Variants in HS3ST5 observed in about 807,000 individuals in gnomAD.
HS3ST5 encodes the protein heparan sulfate-glucosamine 3-sulfotransferase 5.
HS3ST5 carries 10 observed loss-of-function variants against 25.4 expected under a neutral mutation model. That is an observed-to-expected ratio of 0.39 (90% confidence interval 0.24 to 0.67). HS3ST5 has a LOEUF of 0.67. Among genes scored for constraint, HS3ST5 ranks in the 30% least tolerant of loss-of-function variants. The probability of loss-of-function intolerance (pLI) is 0.44; values close to 1 mark genes in which losing one functional copy is unlikely to be tolerated. For synonymous variants in HS3ST5, 170 were observed against 162.4 expected (o/e 1.05, Z -0.36); for missense variants, 324 against 420.7 (o/e 0.77, Z 2.01).
At chr6:114,195,048 A>G (rs1487813510) in intron 2 of HS3ST5, among the ~76,000 whole-genome samples, 1 of 152,216 alleles carries the variant, frequency 6.6e-6, no homozygotes, top group Non-Finnish European at 1.5e-5. Flanking sequence ...GATACAAAGA[A>G]AGTGGGCAGG....
intron 1 of HS3ST5, among the ~76,000 whole-genome samples, chr6:114,229,630 G>T (rs185098617): frequency 1.3e-5 from 2 of 152,290 alleles, no homozygotes; most frequent in East Asian, 3.9e-4. Context: ...CTTCCTTACT[G>T]CTAAGAGTGG....
At chr6:114,080,020 G>A (rs918240575) in intron 3 of HS3ST5, among the ~76,000 whole-genome samples, 7 of 152,000 alleles carry the variant, frequency 4.6e-5, no homozygotes, top group Admixed American at 2.0e-4. Context: ...TAGGTGATCC[G>A]CCCGCCCCAG....
chr6:114,311,271 T>A (rs890040763), intron 1 of HS3ST5, among the ~76,000 whole-genome samples: 1 of 152,150 alleles, frequency 6.6e-6, no homozygotes, highest in Admixed American at 6.5e-5. Context: ...ATCTACAATG[T>A]TTTAAGGAAA....
chr6:114,214,160 C>T (rs1355956457), intron 2 of HS3ST5, among the ~76,000 whole-genome samples: 1 of 152,216 alleles, frequency 6.6e-6, no homozygotes, highest in Non-Finnish European at 1.5e-5. Flanking sequence ...TTCCCTATAG[C>T]ATTTATCACT....
chr6:114,156,603 C>T (rs1778708800), intron 3 of HS3ST5, among the ~76,000 whole-genome samples: 1 of 152,178 alleles, frequency 6.6e-6, no homozygotes, highest in African/African-American at 2.4e-5. Context: ...TGCTCAAAGC[C>T]AGCCTCTTCT....
chr6:114,325,482 G>A (rs571607496), intron 1 of HS3ST5, among the ~76,000 whole-genome samples: 116 of 152,264 alleles, frequency 7.6e-4, no homozygotes, highest in Non-Finnish European at 1.5e-3. Context: ...TGGAGAGAAA[G>A]ATAGATTTGG....
At chr6:114,324,896 T>C (rs1477618830) in intron 1 of HS3ST5, among the ~76,000 whole-genome samples, 2 of 152,204 alleles carry the variant, frequency 1.3e-5, no homozygotes, top group African/African-American at 4.8e-5. Flanking sequence ...TTAAGGGATA[T>C]TACAGCCTAA....
At chr6:114,250,719 T>G (rs969584092) in intron 1 of HS3ST5, among the ~76,000 whole-genome samples, 1 of 152,204 alleles carries the variant, frequency 6.6e-6, no homozygotes, top group South Asian at 2.1e-4. Flanking sequence ...TTTTGTTAAG[T>G]GTTAATATTC....
intron 3 of HS3ST5, among the ~76,000 whole-genome samples, chr6:114,085,491 T>C (rs1421974414): frequency 6.6e-6 from 1 of 152,202 alleles, no homozygotes; most frequent in Admixed American, 6.5e-5. Flanking sequence ...TCAGAGTTCA[T>C]TGCAAATTCA....
chr6:114,192,126 T>C (rs1178309147), intron 2 of HS3ST5, among the ~76,000 whole-genome samples: 2 of 152,212 alleles, frequency 1.3e-5, no homozygotes, highest in Non-Finnish European at 2.9e-5. Context: ...TGGATGTTAT[T>C]TTGAACCAGG....
chr6:114,065,459 A>G (rs915444816), intron 3 of HS3ST5, among the ~76,000 whole-genome samples: 7 of 152,200 alleles, frequency 4.6e-5, no homozygotes, highest in African/African-American at 1.2e-4. Context: ...AAGTCCCCCA[A>G]TTAAATACTC....
rs1257576307 is a variant in HS3ST5, at chr6:114,303,615, C to T, written c.-339+38580G>A. On this transcript the variant is annotated intron_variant, in intron 1 of 4. Coordinates refer to ENST00000312719, the MANE Select transcript of HS3ST5 (RefSeq NM_153612.4). Reference sequence around the variant, plus strand: ...TACTCAAGGAAAATGATTTTTCTTACAGGGGTTTTCTCACGTTGGTACTTA... The same window carrying T: ...TACTCAAGGAAAATGATTTTTCTTATAGGGGTTTTCTCACGTTGGTACTTA... Among the ~76,000 whole-genome samples, 4 of 152,166 alleles carry T rather than the reference C, an allele frequency of 2.6e-5. 1 individual carries two copies. In the South Asian group the frequency reaches 6.2e-4, roughly 24 times the overall value.
At chr6:114,066,269 T>C (rs1227129609) in intron 3 of HS3ST5, among the ~76,000 whole-genome samples, 1 of 152,244 alleles carries the variant, frequency 6.6e-6, no homozygotes, top group Non-Finnish European at 1.5e-5. Context: ...AGTGATTCTC[T>C]ATGGCAAGTT....
chr6:114,114,506 A>C (rs867372278), intron 3 of HS3ST5, among the ~76,000 whole-genome samples: 1 of 152,146 alleles, frequency 6.6e-6, no homozygotes, highest in African/African-American at 2.4e-5. Flanking sequence ...CTCTTACAGC[A>C]TGATTTGCAA....
At chr6:114,121,844 A>C (rs913381604) in intron 3 of HS3ST5, among the ~76,000 whole-genome samples, 1 of 152,216 alleles carries the variant, frequency 6.6e-6, no homozygotes, top group African/African-American at 2.4e-5. Context: ...TATTTTTAGC[A>C]AAAGTTAAAA....
intron 2 of HS3ST5, among the ~76,000 whole-genome samples, chr6:114,181,083 G>T (rs925799055): frequency 3.9e-5 from 6 of 152,168 alleles, no homozygotes; most frequent in African/African-American, 1.4e-4. Context: ...TCTCCCTGTA[G>T]TCAAGTTATT....
rs764929742 is a variant in HS3ST5 at position 114,201,338 on chromosome 6, C to T, written c.-145+27247G>A. On this transcript the variant is annotated intron_variant, in intron 2 of 4. Coordinates refer to ENST00000312719, the MANE Select transcript of HS3ST5 (RefSeq NM_153612.4). The stretch of plus-strand genomic sequence containing the variant: ...TCTTCTAAACATGTCTAGAACTGGC[C>T]ACTCCTCATCTCGTCTGCTATCACT... 1.6e-4 allele frequency among the ~76,000 whole-genome samples: 24 copies of T among 152,262 alleles called. No homozygotes were observed. In the Middle Eastern group the frequency reaches 0.01, roughly 65 times the overall value.
At chr6:114,168,791 C>A (rs936632259) in intron 2 of HS3ST5, among the ~76,000 whole-genome samples, 2 of 152,184 alleles carry the variant, frequency 1.3e-5, no homozygotes, top group Non-Finnish European at 2.9e-5. Flanking sequence ...TGTTTCTGAT[C>A]TGGCTGCTGA....
At chr6:114,281,564 T>C (rs947997586) in intron 1 of HS3ST5, among the ~76,000 whole-genome samples, 4 of 151,948 alleles carry the variant, frequency 2.6e-5, no homozygotes, top group Non-Finnish European at 4.4e-5. Context: ...ACTACACTGA[T>C]GTTAGGGATA....
Sources: gnomAD v4.1 joint callset for allele counts (sites outside exome capture counted in the v4.1 genomes callset) on GRCh38, gnomAD v4.1.1 for gene constraint, MANE v1.5 for transcripts, NCBI Gene and HGNC (gene_info 2026-07-23, HGNC 2026-07-21) for gene names.